MYO3B: variants seen among roughly 807,000 people sequenced by gnomAD.
MYO3B encodes the protein myosin IIIB.
MYO3B carries 156 observed loss-of-function variants against 174.6 expected under a neutral mutation model. The observed-to-expected ratio is 0.89, with a 90% CI of 0.78 to 1.02. MYO3B has a LOEUF of 1.02. Among genes scored for constraint, MYO3B ranks in the 50% least tolerant of loss-of-function variants. The pLI is 0.00. For synonymous variants in MYO3B, 563 were observed against 569.1 expected, an observed-to-expected ratio of 0.99 and a Z score of 0.15; for missense variants, 1,632 against 1,639.4, an observed-to-expected ratio of 1.00 and a Z score of 0.08.
chr2:170,419,881 G>A (rs945972103), intron 22 of MYO3B, among the ~76,000 whole-genome samples: 1 of 152,100 alleles, frequency 6.6e-6, no homozygotes, highest in African/African-American at 2.4e-5. Flanking sequence ...TAACATTAAA[G>A]GTTAAAAACA....
Position 170,404,247 on chromosome 2 carries a change from A to C in MYO3B, c.2278A>C (p.Met760Leu), listed in dbSNP as rs2094496339. 4 of 1,600,664 alleles carry C rather than the reference A, an allele frequency of 2.5e-6. No individual in the cohort carries two copies. In the East Asian group the frequency reaches 9.0e-5, roughly 36 times the overall value. The part of the protein sequence containing the change: ...FNQHVFALEQ[M>L]EYQNEGIDAV... ...AGAATCACAATCCATTTCCCTCCAG[A>C]TGGAATATCAGAATGAAGGCATTGA... Residue 760 changes from methionine to leucine, a missense_variant and splice_region_variant, in exon 20 of 35, where the codon ATG (methionine) becomes CTG (leucine). Coordinates refer to ENST00000408978, the MANE Select transcript of MYO3B (RefSeq NM_138995.5).
chr2:170,324,211 A>T (rs1264515683), intron 7 of MYO3B, among the ~76,000 whole-genome samples: 2 of 152,174 alleles, frequency 1.3e-5, no homozygotes, highest in African/African-American at 4.8e-5. Flanking sequence ...TTAAGTCTGT[A>T]TTTGTGGCCC....
At chr2:170,634,259 C>G (rs1175618533) in intron 32 of MYO3B, among the ~76,000 whole-genome samples, 1 of 152,020 alleles carries the variant, frequency 6.6e-6, no homozygotes, top group Non-Finnish European at 1.5e-5. Context: ...GGTACTGGTA[C>G]CAAAACAGAG....
chr2:170,527,101 T>C (rs1452328236), intron 30 of MYO3B, among the ~76,000 whole-genome samples: 2 of 152,204 alleles, frequency 1.3e-5, no homozygotes, highest in Non-Finnish European at 2.9e-5. Context: ...CAAGGTCTCA[T>C]TCGTGTGACA....
chr2:170,391,407 CT>C, intron 14 of MYO3B, 112 bp from the exon 15 acceptor site: 2 of 552,668 alleles, frequency 3.6e-6, no homozygotes, highest in South Asian at 3.1e-5. Flanking sequence ...ATTTAATTGC[CT>C]GAAAATACAA....
chr2:170,649,312 A>G (rs1207369325), intron 32 of MYO3B, among the ~76,000 whole-genome samples: 3 of 91,868 alleles, frequency 3.3e-5, no homozygotes, highest in Non-Finnish European at 5.7e-5. Context: ...AATATATATT[A>G]TATATAAAAT....
intron 32 of MYO3B, among the ~76,000 whole-genome samples, chr2:170,649,413 C>G (rs1171346311): frequency 1.5e-5 from 1 of 67,756 alleles, no homozygotes; most frequent in Non-Finnish European, 2.8e-5. Flanking sequence ...TAAAATATTA[C>G]ATATAAAATA....
chr2:170,360,253 T>G (rs1009454105), intron 8 of MYO3B, among the ~76,000 whole-genome samples: 1 of 152,106 alleles, frequency 6.6e-6, no homozygotes, highest in Non-Finnish European at 1.5e-5. Context: ...GCAAGTAGGA[T>G]CATGGGAAGA....
intron 25 of MYO3B, among the ~76,000 whole-genome samples, chr2:170,482,887 C>A (rs866015489): frequency 3.3e-5 from 5 of 152,222 alleles, no homozygotes; most frequent in Admixed American, 1.3e-4. Flanking sequence ...TCTTATGGGG[C>A]AGGATGGGTT....
intron 15 of MYO3B, among the ~76,000 whole-genome samples, chr2:170,392,074 G>A (rs1159031825): frequency 2.8e-5 from 4 of 145,284 alleles, no homozygotes; most frequent in Non-Finnish European, 5.9e-5. Context: ...AGTGAGCCAA[G>A]TTCGTGCCAC....
rs371731248 is a variant in MYO3B, at chr2:170,404,367, C to T, written c.2398C>T (p.Arg800Trp). 3.1e-5 allele frequency: 50 copies of T among 1,613,490 alleles called. No individual in the cohort carries two copies. Among genetic ancestry groups the T allele is most frequent in the Admixed American group, 5.0e-5 (3 of 59,878 alleles). Residue 800 changes from arginine (R) to tryptophan (W), a missense_variant, in exon 20 of 35, where the codon CGG (arginine) becomes TGG (tryptophan). By Grantham distance (101) the Arg-to-Trp change is moderately radical. Transcript: ENST00000408978. ...GCTTGCACTTTTGGATGAGGAAAGT[C>T]GGTTTCCCCAAGCAACTGACCAGAC... The part of the protein sequence containing the change: ...GLLALLDEES[R>W]FPQATDQTLV...
intron 6 of MYO3B, among the ~76,000 whole-genome samples, chr2:170,231,208 G>A (rs114069958): frequency 0.054 from 8,204 of 152,270 alleles, 565 homozygotes; most frequent in Admixed American, 0.2. Context: ...GGAGTGACTG[G>A]GGGTAGATTT....
chr2:170,241,452 C>T (rs562853633), intron 7 of MYO3B, among the ~76,000 whole-genome samples: 1 of 152,320 alleles, frequency 6.6e-6, no homozygotes, highest in South Asian at 2.1e-4. Context: ...CTTGGGAATG[C>T]CCTTGTCCTC....
chr2:170,576,483 C>T (rs1203760014), intron 32 of MYO3B, among the ~76,000 whole-genome samples: 2 of 152,274 alleles, frequency 1.3e-5, no homozygotes, highest in African/African-American at 4.8e-5. Context: ...TCCCTCGTGC[C>T]TTGTAGTTTT....
intron 7 of MYO3B, among the ~76,000 whole-genome samples, chr2:170,332,532 A>C (rs551751694): frequency 1.3e-5 from 2 of 152,354 alleles, no homozygotes; most frequent in South Asian, 4.1e-4. Flanking sequence ...AAGTATTGCG[A>C]AGTCTTCAAA....
intron 1 of MYO3B, among the ~76,000 whole-genome samples, chr2:170,189,852 T>G (rs898210549): frequency 6.6e-6 from 1 of 152,156 alleles, no homozygotes; most frequent in Non-Finnish European, 1.5e-5. Flanking sequence ...TTAGTTTGTT[T>G]GGTTAGGTCA....
chr2:170,414,409 G>A (rs543256961), intron 22 of MYO3B, among the ~76,000 whole-genome samples: 5 of 152,152 alleles, frequency 3.3e-5, no homozygotes, highest in African/African-American at 7.2e-5. Context: ...GGCTGGTCTC[G>A]AACTCCTGAC....
intron 1 of MYO3B, 142 bp from the exon 2 acceptor site, chr2:170,199,066 C>A: frequency 1.7e-6 from 1 of 579,432 alleles, no homozygotes; most frequent in Non-Finnish European, 2.8e-6. Context: ...AGTTCTTTTT[C>A]AAAAAATTTA....
At chr2:170,487,505 T>C (rs1686143720) in intron 25 of MYO3B, among the ~76,000 whole-genome samples, 1 of 152,224 alleles carries the variant, frequency 6.6e-6, no homozygotes, top group African/African-American at 2.4e-5. Flanking sequence ...ATTTACAAAG[T>C]GGTGAATGGT....
Sources: gnomAD v4.1 joint callset for allele counts (sites outside exome capture counted in the v4.1 genomes callset) on GRCh38, gnomAD v4.1.1 for gene constraint, MANE v1.5 for transcripts, NCBI Gene and HGNC (gene_info 2026-07-23, HGNC 2026-07-21) for gene names.